The following TENM3 variants were observed in gnomAD, a reference collection of about 807,000 sequenced individuals.
TENM3 encodes the protein teneurin-3.
In TENM3, 63 loss-of-function variants were observed where a neutral mutation model predicts 255.1. That is an observed-to-expected ratio of 0.25 (90% CI 0.20 to 0.30). TENM3 has a LOEUF of 0.30. TENM3 is among the 10% of genes least tolerant of loss of function. TENM3 has a pLI of 1.00. For synonymous variants in TENM3, 1,306 were observed against 1,322.3 expected, an observed-to-expected ratio of 0.99 and a Z score of 0.27; for missense variants, 2,929 against 3,461.1, an observed-to-expected ratio of 0.85 and a Z score of 3.86.
chr4:182,119,679 T>C, the TENM3 span, among the ~76,000 whole-genome samples: 321 of 152,220 alleles, frequency 2.1e-3, no homozygotes, highest in African/African-American at 7.3e-3. Context: ...GCTCCTTAAA[T>C]GGCAGATCAG....
chr4:181,943,369 A>T, the TENM3 span, among the ~76,000 whole-genome samples: 2 of 152,168 alleles, frequency 1.3e-5, no homozygotes, highest in African/African-American at 4.8e-5. Flanking sequence ...AGGGGAGAGT[A>T]GAACAGGAGG....
At chr4:182,680,795 A>G (rs1416206562) in intron 10 of TENM3, 58 bp downstream of exon 10, 1 of 1,326,258 alleles carries the variant, frequency 7.5e-7, no homozygotes, top group Non-Finnish European at 1.0e-6. Context: ...AACAGATTGT[A>G]TCTGTAATCT....
the TENM3 span, among the ~76,000 whole-genome samples, chr4:181,737,676 A>C: frequency 6.6e-6 from 1 of 152,216 alleles, no homozygotes; most frequent in African/African-American, 2.4e-5. Context: ...GATTCCTTGG[A>C]AAACAGATTC....
At chr4:182,712,218 C>T (rs947572157) in intron 12 of TENM3, among the ~76,000 whole-genome samples, 3 of 152,058 alleles carry the variant, frequency 2.0e-5, no homozygotes, top group Non-Finnish European at 4.4e-5. Context: ...CTTCAGTTAT[C>T]GTAGAAATAG....
chr4:181,736,932 G>A, the TENM3 span, among the ~76,000 whole-genome samples: 3 of 152,074 alleles, frequency 2.0e-5, no homozygotes, highest in African/African-American at 7.2e-5. Flanking sequence ...GGAGAAACAC[G>A]TGGCCCATAA....
chr4:182,529,238 G>A (rs1055735779), intron 3 of TENM3, among the ~76,000 whole-genome samples: 8 of 152,180 alleles, frequency 5.3e-5, no homozygotes, highest in African/African-American at 1.2e-4. Flanking sequence ...GAGAACATTA[G>A]GAACGCTGGT....
chr4:182,340,434 T>C (rs1764417234), intron 2 of TENM3, among the ~76,000 whole-genome samples: 1 of 152,196 alleles, frequency 6.6e-6, no homozygotes, highest in Admixed American at 6.5e-5. Flanking sequence ...TATTAATAGA[T>C]AAATCAAGTA....
chr4:181,571,324 A>G, the TENM3 span, among the ~76,000 whole-genome samples: 1 of 152,060 alleles, frequency 6.6e-6, no homozygotes, highest in Non-Finnish European at 1.5e-5. Flanking sequence ...GATTGTTTTA[A>G]TTATTTTATT....
the TENM3 span, among the ~76,000 whole-genome samples, chr4:181,559,932 C>A: frequency 6.6e-6 from 1 of 152,226 alleles, no homozygotes; most frequent in Admixed American, 6.5e-5. Context: ...TAAATTAATT[C>A]ACTTAAAGAT....
intron 1 of TENM3, among the ~76,000 whole-genome samples, chr4:182,275,523 A>AATAAAGTGG (rs1164812444): frequency 3.9e-5 from 6 of 152,172 alleles, no homozygotes; most frequent in African/African-American, 1.4e-4. Context: ...AGGCCCTGGG[A>AATAAAGTGG]ATAAAGTGGA....
chr4:182,025,020 A>ATTTTTTTTT, the TENM3 span, among the ~76,000 whole-genome samples: 2 of 121,144 alleles, frequency 1.7e-5, no homozygotes, highest in African/African-American at 6.7e-5. Context: ...ACAGGATTTC[A>ATTTTTTTTT]TTTTTTTTTT....
chr4:182,800,591 C>A lies in TENM3; in HGVS notation c.*240C>A. On this transcript the variant is annotated 3_prime_UTR_variant, in exon 28 of 28. Coordinates refer to ENST00000511685, the MANE Select transcript of TENM3 (RefSeq NM_001080477.4). The stretch of plus-strand genomic sequence containing the variant: ...TGCACTCAGTCGGACTGAACGTAGC[C>A]AGAGGAAAAAAAAATCATCAAGGAC... 3 of 406,254 alleles carry A rather than the reference C, an allele frequency of 7.4e-6. No individual in the cohort carries two copies. The highest frequency in any genetic ancestry group is 9.7e-5 in the South Asian group (2 of 20,658). The allele number at this position is 406,254 out of a possible 1,614,324, so 25.2% of individuals were successfully genotyped here. A position where few individuals can be genotyped will look rare whatever the true frequency, so the allele number is the denominator to read the frequency against.
intron 3 of TENM3, among the ~76,000 whole-genome samples, chr4:182,510,168 GATT>G (rs1737245519): frequency 6.6e-6 from 1 of 152,084 alleles, no homozygotes; most frequent in African/African-American, 2.4e-5. Context: ...CCTTCAGTTG[GATT>G]ATTTTTGTTT....
At chr4:181,596,081 C>A in the TENM3 span, among the ~76,000 whole-genome samples, 1 of 152,192 alleles carries the variant, frequency 6.6e-6, no homozygotes, top group Non-Finnish European at 1.5e-5. Context: ...TTATCTCAAT[C>A]ATTCATAGAT....
chr4:181,649,333 C>T, the TENM3 span, among the ~76,000 whole-genome samples: 6 of 152,274 alleles, frequency 3.9e-5, no homozygotes, highest in South Asian at 4.1e-4. Context: ...CCATCAATAC[C>T]GGTATGAGGC....
the TENM3 span, among the ~76,000 whole-genome samples, chr4:181,470,849 G>A: frequency 0.016 from 2,464 of 152,016 alleles, 60 homozygotes; most frequent in African/African-American, 0.057. Flanking sequence ...ACATTGTAAG[G>A]TGAAAAAAAG....
chr4:182,745,270 C>G (rs555350926), intron 19 of TENM3, among the ~76,000 whole-genome samples: 5 of 152,298 alleles, frequency 3.3e-5, no homozygotes, highest in African/African-American at 1.2e-4. Flanking sequence ...CTTAAACTTG[C>G]AGCTAATAGC....
At chr4:181,888,500 A>ATATG in the TENM3 span, among the ~76,000 whole-genome samples, 13 of 21,932 alleles carry the variant, frequency 5.9e-4, 1 homozygote, top group South Asian at 6.0e-3. Flanking sequence ...ATGTGTATAT[A>ATATG]TATATATATA....
the TENM3 span, among the ~76,000 whole-genome samples, chr4:181,720,487 T>G: frequency 1.3e-5 from 2 of 152,198 alleles, no homozygotes; most frequent in African/African-American, 2.4e-5. Context: ...ATTGAAAGTA[T>G]TTATACAGGG....
Sources: gnomAD v4.1 joint callset for allele counts (sites outside exome capture counted in the v4.1 genomes callset) on GRCh38, gnomAD v4.1.1 for gene constraint, MANE v1.5 for transcripts, NCBI Gene and HGNC (gene_info 2026-07-23, HGNC 2026-07-21) for gene names.